FKBP15: variants seen among roughly 807,000 people sequenced by gnomAD.
FKBP15 encodes FKBP prolyl isomerase family member 15.
Under a neutral mutation model 158.1 loss-of-function variants are expected in FKBP15, and 106 were observed. That is an observed-to-expected ratio of 0.67 (90% confidence interval 0.57 to 0.79). The LOEUF is 0.79. FKBP15 is among the 30% of genes least tolerant of loss of function. The pLI, the probability that FKBP15 is intolerant of heterozygous loss-of-function variation, is 0.00. For synonymous variants in FKBP15, 547 were observed against 548.6 expected (o/e 1.00, Z 0.04); for missense variants, 1,287 against 1,479.1 (o/e 0.87, Z 2.13).
In FKBP15 at chr9:113,206,509, C is replaced by T. The variant is rs1265300905; in HGVS notation, c.324G>A (p.Glu108=). 1 of 1,613,222 alleles carries T rather than the reference C, an allele frequency of 6.2e-7. No homozygotes were observed. Among genetic ancestry groups the T allele is most frequent in the Admixed American group, 1.7e-5 (1 of 60,010 alleles). Residue 108 remains glutamate, a splice_region_variant and synonymous_variant, in exon 4 of 28, where the codon GAG becomes GAA. Coordinates refer to ENST00000238256, the MANE Select transcript of FKBP15 (RefSeq NM_015258.2). ...ACATGAGATGTGGGAGCACTCTCAC[C>T]TCTCTGGCTGTGTGGTTCCCCAGAA... is the stretch of plus-strand genomic sequence containing the variant. ...AAVLGNHTAR[E]YRILLYISQQ...
chr9:113,169,158 G>GA (rs1830155853), intron 26 of FKBP15, 66 bp downstream of exon 26: 4 of 1,522,332 alleles, frequency 2.6e-6, no homozygotes, highest in Non-Finnish European at 2.6e-6. Flanking sequence ...GCCAGCCCTG[G>GA]AAAAAACAGA....
chr9:113,192,941 G>C lies in FKBP15; in HGVS notation c.1065+551C>G, dbSNP rs752734823. Reference sequence around the variant, plus strand: ...CACTTTAACTGAGAGAGGCTCCTCCGTCAGTTGAACACCAGTCTCCTAAAT... The same window carrying C: ...CACTTTAACTGAGAGAGGCTCCTCCCTCAGTTGAACACCAGTCTCCTAAAT... On this transcript the variant is annotated intron_variant, in intron 11 of 27. Transcript: ENST00000238256. Among the ~76,000 whole-genome samples, 60 of 152,250 alleles carry C rather than the reference G, an allele frequency of 3.9e-4. No homozygotes were observed. The Middle Eastern group carries it at 0.01, about 26-fold the overall frequency.
rs149414690 is a variant in FKBP15 at position 113,216,772 on chromosome 9, T to C, written c.53+4419A>G. Among the ~76,000 whole-genome samples, 7 of 152,346 alleles carry C rather than the reference T, an allele frequency of 4.6e-5. No individual in the cohort carries two copies. In the East Asian group the frequency reaches 7.7e-4, roughly 17 times the overall value. ...TTTTAATTTTGCAGGTATAGCCTTT[T>C]TAAAAGGAAAGACAAGAGTGTCATA... On this transcript the variant is annotated intron_variant, in intron 1 of 27. Coordinates refer to ENST00000238256, the MANE Select transcript of FKBP15 (RefSeq NM_015258.2).
chr9:113,192,872 C>T (rs1830602197), intron 11 of FKBP15, among the ~76,000 whole-genome samples: 2 of 152,190 alleles, frequency 1.3e-5, no homozygotes, highest in Admixed American at 6.5e-5. Flanking sequence ...GGATTAACCA[C>T]TAACACAATC....
chr9:113,218,638 A>C (rs1054806418), intron 1 of FKBP15, among the ~76,000 whole-genome samples: 1 of 152,094 alleles, frequency 6.6e-6, no homozygotes, highest in Non-Finnish European at 1.5e-5. Flanking sequence ...ACGGAAGTTG[A>C]CCTGCAACCA....
intron 19 of FKBP15, among the ~76,000 whole-genome samples, chr9:113,180,004 C>G (rs145074826): frequency 6.6e-6 from 1 of 152,308 alleles, no homozygotes; most frequent in East Asian, 1.9e-4. Context: ...AAAACTAACT[C>G]AGAGCTCAGA....
chr9:113,186,123 A>G, intron 15 of FKBP15, 126 bp downstream of exon 15: 1 of 671,240 alleles, frequency 1.5e-6, no homozygotes, highest in East Asian at 2.7e-5. Context: ...TTATATCTCA[A>G]CAAAGCTGTT....
chr9:113,161,625 C>T lies in FKBP15; in HGVS notation c.*4453G>A, dbSNP rs767370317. 1.1e-5 allele frequency: 18 copies of T among 1,613,922 alleles called. 2 individuals are homozygous for T. The South Asian group carries it at 1.9e-4, about 17-fold the overall frequency. Reference sequence around the variant, plus strand: ...GGTGAACCTGCCAACCTCCATCAGCCAGCAGACCATCGCAGAGACAGACGG... The same window carrying T: ...GGTGAACCTGCCAACCTCCATCAGCTAGCAGACCATCGCAGAGACAGACGG... On this transcript the variant is annotated 3_prime_UTR_variant, in exon 28 of 28. Coordinates refer to ENST00000238256, the MANE Select transcript of FKBP15 (RefSeq NM_015258.2).
chr9:113,203,594 C>A (rs1830834222), intron 4 of FKBP15, among the ~76,000 whole-genome samples: 1 of 151,368 alleles, frequency 6.6e-6, no homozygotes, highest in South Asian at 2.1e-4. Flanking sequence ...GTGGCGCAAT[C>A]TCGGCTCACT....
Position 113,162,536 on chromosome 9 carries a change from G to A in FKBP15, c.*3542C>T, listed in dbSNP as rs548827212. The A allele has an allele frequency of 3.2e-5, 13 of 411,116 alleles. No homozygotes were observed. The highest frequency in any genetic ancestry group is 3.0e-4 in the African/African-American group (13 of 43,688). 25.5% of individuals were successfully genotyped at this position (411,116 alleles called of 1,614,324 possible). A position where few individuals can be genotyped will look rare whatever the true frequency, so the allele number is the denominator to read the frequency against. On this transcript the variant is annotated 3_prime_UTR_variant, in exon 28 of 28. Coordinates refer to ENST00000238256, the MANE Select transcript of FKBP15 (RefSeq NM_015258.2). ...GATGCCAGGAAGCTTGAAACCAAAT[G>A]TAGTGAAGATATGTCTCTTTAAAAA...
intron 13 of FKBP15, 63 bp from the exon 14 acceptor site, chr9:113,187,962 A>T (rs1830513182): frequency 8.7e-7 from 1 of 1,152,660 alleles, no homozygotes; most frequent in African/African-American, 1.5e-5. Flanking sequence ...AGTCTAGACT[A>T]GCACCTTACA....
intron 12 of FKBP15, among the ~76,000 whole-genome samples, chr9:113,189,274 A>G (rs1195955988): frequency 2.0e-5 from 3 of 152,222 alleles, no homozygotes; most frequent in Admixed American, 2.0e-4. Context: ...CTAAATGTCT[A>G]ATAACAGAGT....
intron 2 of FKBP15, among the ~76,000 whole-genome samples, chr9:113,210,507 A>G (rs1830980581): frequency 6.6e-6 from 1 of 151,972 alleles, no homozygotes. Context: ...TAATTTTTGT[A>G]CTTTTAGTAG....
At position 113,182,872 on chromosome 9, in the gene FKBP15, TGAAAGAAATAGA is replaced by T; in HGVS notation, c.1812-16_1812-5del. On this transcript the variant is annotated splice_region_variant and splice_polypyrimidine_tract_variant and intron_variant, in intron 18 of 27. Transcript: ENST00000238256. ...CAGGTTACTCTGCTCAACATACCTG[TGAAAGAAATAGA>T]GAAAAAGAAAACATTTATCAAGCAC... 1 of 1,611,022 alleles carries T rather than the reference TGAAAGAAATAGA, an allele frequency of 6.2e-7. No individual in the cohort carries two copies. The highest frequency in any genetic ancestry group is 8.5e-7 in the Non-Finnish European group (1 of 1,177,412).
At chr9:113,204,728 TC>T (rs1830856370) in intron 4 of FKBP15, among the ~76,000 whole-genome samples, 4 of 152,214 alleles carry the variant, frequency 2.6e-5, no homozygotes, top group South Asian at 2.1e-4. Flanking sequence ...TAATTCTGTC[TC>T]CTGCTGTATT....
intron 21 of FKBP15, among the ~76,000 whole-genome samples, chr9:113,176,316 G>A (rs940057081): frequency 2.0e-5 from 3 of 152,120 alleles, no homozygotes; most frequent in African/African-American, 7.2e-5. Flanking sequence ...GAGTGTGAAT[G>A]TATGTTTTCT....
intron 10 of FKBP15, among the ~76,000 whole-genome samples, chr9:113,193,809 A>G (rs1407242673): frequency 1.3e-5 from 2 of 152,260 alleles, no homozygotes; most frequent in African/African-American, 4.8e-5. Context: ...TTCTTCCAGA[A>G]TTTTATAAGT....
chr9:113,216,144 G>A (rs889083210), intron 1 of FKBP15, among the ~76,000 whole-genome samples: 2 of 146,408 alleles, frequency 1.4e-5, no homozygotes, highest in African/African-American at 5.1e-5. Context: ...AAAAAAAAGG[G>A]GGTATGCCCA....
chr9:113,196,991 C>G lies in FKBP15; in HGVS notation c.805G>C (p.Val269Leu). 2 of 1,613,994 alleles carry G rather than the reference C, an allele frequency of 1.2e-6. No individual in the cohort carries two copies. The highest frequency in any genetic ancestry group is 1.7e-6 in the Non-Finnish European group (2 of 1,179,886). The change falls in exon 9 of 28, where the codon GTA (valine) becomes CTA (leucine). Residue 269 changes from valine (V) to leucine (L), a missense_variant. Physicochemically the swap from Val to Leu is conservative, Grantham distance 32. Transcript: ENST00000238256. The part of the protein sequence containing the change: ...PPACAVGSEG[V>L]IGWTQATDSI... ...TCCGTTGCTTGAGTCCAGCCTATTA[C>G]CCCTTCTGAGCCAACAGCACAGGCT... is the stretch of plus-strand genomic sequence containing the variant.
Sources: allele counts gnomAD v4.1 joint callset (sites outside exome capture counted in the v4.1 genomes callset), GRCh38; gene constraint gnomAD v4.1.1; transcripts MANE v1.5; gene names NCBI Gene and HGNC (gene_info 2026-07-23, HGNC 2026-07-21).